BMPR1B: variants seen among roughly 807,000 people sequenced by gnomAD.
The protein encoded by BMPR1B is bone morphogenetic protein receptor type-1B.
BMPR1B carries 12 observed loss-of-function variants against 59.1 expected under a neutral mutation model. The observed-to-expected ratio is 0.20, with a 90% CI of 0.13 to 0.33. BMPR1B has a LOEUF of 0.33. Ranked by LOEUF, BMPR1B falls within the 10% of genes least tolerant of loss-of-function variation. The pLI, the probability that BMPR1B is intolerant of heterozygous loss-of-function variation, is 1.00. For missense variants in BMPR1B, 550 were observed against 610.9 expected (o/e 0.90, Z 1.05); for synonymous variants, 237 against 207.3 (o/e 1.14, Z -1.23).
intron 1 of BMPR1B, among the ~76,000 whole-genome samples, chr4:94,808,307 G>T (rs547039921): frequency 6.6e-6 from 1 of 152,220 alleles, no homozygotes; most frequent in South Asian, 2.1e-4. Context: ...TAGTTTTTAG[G>T]TATTTTAGTC....
chr4:94,781,968 G>T (rs1479207755), intron 1 of BMPR1B, among the ~76,000 whole-genome samples: 1 of 151,926 alleles, frequency 6.6e-6, no homozygotes, highest in Admixed American at 6.6e-5. Flanking sequence ...GCAACCCAGT[G>T]TGGATCTCTT....
At chr4:94,896,260 A>G (rs1468561370) in intron 2 of BMPR1B, among the ~76,000 whole-genome samples, 3 of 152,012 alleles carry the variant, frequency 2.0e-5, no homozygotes, top group Non-Finnish European at 4.4e-5. Context: ...AAGTCTGTGC[A>G]TATATACGTA....
intron 1 of BMPR1B, among the ~76,000 whole-genome samples, chr4:94,767,763 C>T (rs1722025012): frequency 6.6e-6 from 1 of 151,984 alleles, no homozygotes; most frequent in Non-Finnish European, 1.5e-5. Flanking sequence ...CTCAATGGAC[C>T]AGATTCACTC....
intron 3 of BMPR1B, among the ~76,000 whole-genome samples, chr4:95,016,697 G>A (rs1008305135): frequency 1.3e-5 from 2 of 152,084 alleles, no homozygotes; most frequent in African/African-American, 4.8e-5. Context: ...TGACTTTTGC[G>A]GGGTCCAGGG....
In BMPR1B at chr4:95,059,687, C is replaced by A. The variant is rs1049765082; in HGVS notation, c.-17-44721C>A. On this transcript the variant is annotated intron_variant, in intron 3 of 12. Coordinates refer to ENST00000515059, the MANE Select transcript of BMPR1B (RefSeq NM_001203.3). ...AATAAACTTAATGACAAACATCTTG[C>A]AAATTAGATTTTCATATATTTCATC... 2.0e-5 allele frequency among the ~76,000 whole-genome samples: 3 copies of A among 152,120 alleles called. No individual in the cohort carries two copies. The South Asian group carries it at 6.2e-4, about 32-fold the overall frequency.
At chr4:94,845,455 G>T (rs1725283853) in intron 1 of BMPR1B, among the ~76,000 whole-genome samples, 1 of 151,272 alleles carries the variant, frequency 6.6e-6, no homozygotes, top group Admixed American at 6.6e-5. Context: ...CCATTCTCTT[G>T]CCTCAGCCTC....
chr4:94,763,249 C>T (rs961037238), intron 1 of BMPR1B, among the ~76,000 whole-genome samples: 5 of 152,198 alleles, frequency 3.3e-5, no homozygotes, highest in Non-Finnish European at 7.3e-5. Flanking sequence ...TGTCATTTTC[C>T]TCTAACCCTC....
chr4:94,763,774 C>G (rs1034921587), intron 1 of BMPR1B, among the ~76,000 whole-genome samples: 4 of 152,160 alleles, frequency 2.6e-5, no homozygotes, highest in Non-Finnish European at 5.9e-5. Flanking sequence ...CTAAATTAAT[C>G]TCTTGATAGA....
chr4:95,026,102 C>CTTTCTTTCTTTCTTTCTTTCTTTT (rs750840883), intron 3 of BMPR1B, among the ~76,000 whole-genome samples: 8,773 of 120,278 alleles, frequency 0.073, 556 homozygotes, highest in South Asian at 0.13. Context: ...TCTTTCATTT[C>CTTTCTTTCTTTCTTTCTTTCTTTT]TTTCTTTCTT....
At chr4:94,832,958 G>A (rs955527347) in intron 1 of BMPR1B, among the ~76,000 whole-genome samples, 1 of 152,122 alleles carries the variant, frequency 6.6e-6, no homozygotes, top group Non-Finnish European at 1.5e-5. Flanking sequence ...TGAGGCTGGG[G>A]CGGGGGGATC....
Position 95,123,665 on chromosome 4 carries a change from G to A in BMPR1B, c.350-145G>A, listed in dbSNP as rs538986616. On this transcript the variant is annotated intron_variant, in intron 6 of 12. Transcript: ENST00000515059. ...CTTATTTAATTTTGAGTATATATGG[G>A]TTTTTAAAAAATTAATTGGTATGTG... is the stretch of plus-strand genomic sequence containing the variant. 112 of 662,970 alleles carry A rather than the reference G, an allele frequency of 1.7e-4. No individual in the cohort carries two copies. In the African/African-American group the frequency reaches 2.0e-3, roughly 12 times the overall value. 41.1% of individuals were successfully genotyped at this position (662,970 alleles called of 1,614,324 possible). A position where few individuals can be genotyped will look rare whatever the true frequency, so the allele number is the denominator to read the frequency against.
In BMPR1B at chr4:95,105,326, T is replaced by C. The variant is rs182926034; in HGVS notation, c.143+759T>C. 1.2e-4 allele frequency among the ~76,000 whole-genome samples: 19 copies of C among 152,124 alleles called. No individual in the cohort carries two copies. In the East Asian group the frequency reaches 3.5e-3, roughly 28 times the overall value. On this transcript the variant is annotated intron_variant, in intron 4 of 12. Transcript: ENST00000515059. ...GAAGAGCACAGCCCTCGAGTTAAAA[T>C]GTCAGAGAAGCAGAGTGTGCCTTAA...
intron 2 of BMPR1B, among the ~76,000 whole-genome samples, chr4:94,941,314 C>A (rs954252259): frequency 6.6e-6 from 1 of 151,822 alleles, no homozygotes; most frequent in South Asian, 2.1e-4. Flanking sequence ...CGCCTGTAGT[C>A]CCAGCTACCC....
chr4:94,886,534 AAGTC>A (rs1250038596), intron 2 of BMPR1B, among the ~76,000 whole-genome samples: 1 of 152,208 alleles, frequency 6.6e-6, no homozygotes, highest in Non-Finnish European at 1.5e-5. Flanking sequence ...ATTCTTTTAA[AAGTC>A]ATGGGACATG....
intron 2 of BMPR1B, among the ~76,000 whole-genome samples, chr4:94,895,119 A>T (rs1010608980): frequency 3.9e-5 from 6 of 152,048 alleles, no homozygotes; most frequent in African/African-American, 1.4e-4. Context: ...AATGTAAACA[A>T]GTATCACAAA....
rs139490443 is a variant in BMPR1B at position 95,126,687 on chromosome 4, G to A, written c.585+1566G>A. On this transcript the variant is annotated intron_variant, in intron 8 of 12. Transcript: ENST00000515059. ...AAAACAAGAAAGTGCATTTGATGGC[G>A]GTAGGATGGGAAGGAGGGTTCTATA... Among the ~76,000 whole-genome samples the A allele has an allele frequency of 9.1e-4, 138 of 152,162 alleles. 1 individual carries two copies. Among genetic ancestry groups the A allele is most frequent in the Middle Eastern group, 3.4e-3 (1 of 294 alleles).
intron 3 of BMPR1B, among the ~76,000 whole-genome samples, chr4:95,026,081 C>A (rs575603525): frequency 4.7e-5 from 6 of 127,360 alleles, no homozygotes; most frequent in African/African-American, 1.7e-4. Context: ...GCTTGGCTGG[C>A]TGGATTGCTT....
chr4:94,799,452 C>T (rs557149401), intron 1 of BMPR1B, among the ~76,000 whole-genome samples: 120 of 149,178 alleles, frequency 8.0e-4, no homozygotes, highest in African/African-American at 2.8e-3. Flanking sequence ...TACAGGCACG[C>T]GCCACCATGC....
At chr4:94,881,196 C>CT (rs1166778693) in intron 2 of BMPR1B, among the ~76,000 whole-genome samples, 14 of 152,094 alleles carry the variant, frequency 9.2e-5, no homozygotes, top group Admixed American at 2.0e-4. Context: ...CCTTCTAACT[C>CT]TGTTTTCCAG....
Sources: allele counts gnomAD v4.1 joint callset (sites outside exome capture counted in the v4.1 genomes callset), GRCh38; gene constraint gnomAD v4.1.1; transcripts MANE v1.5; gene names NCBI Gene and HGNC (gene_info 2026-07-23, HGNC 2026-07-21).